The following SNTG1 variants were observed in gnomAD, a reference collection of about 807,000 sequenced individuals.
SNTG1 encodes the protein gamma-1-syntrophin.
A neutral mutation model predicts 74.7 loss-of-function variants in SNTG1; 39 were observed. That is an observed-to-expected ratio of 0.52 (90% CI 0.40 to 0.68). SNTG1 has a LOEUF of 0.68. Ranked by LOEUF, SNTG1 falls within the 30% of genes least tolerant of loss-of-function variation. The pLI is 0.00. For synonymous variants in SNTG1, 254 were observed against 217.1 expected (o/e 1.17, Z -1.49); for missense variants, 685 against 609.5 (o/e 1.12, Z -1.30).
At chr8:50,738,527 T>G (rs1279482259) in intron 17 of SNTG1, among the ~76,000 whole-genome samples, 1 of 152,022 alleles carries the variant, frequency 6.6e-6, no homozygotes, top group Non-Finnish European at 1.5e-5. Flanking sequence ...CCAGCTACCA[T>G]TGACTTTCTT....
intron 8 of SNTG1, among the ~76,000 whole-genome samples, chr8:50,465,004 A>G (rs912159958): frequency 6.6e-6 from 1 of 152,054 alleles, no homozygotes; most frequent in Non-Finnish European, 1.5e-5. Flanking sequence ...CTTGTTACAA[A>G]CCTTCAATAT....
Position 50,315,062 on chromosome 8 carries a change from G to A in SNTG1, c.-27-79150G>A, listed in dbSNP as rs761705945. Among the ~76,000 whole-genome samples the A allele has an allele frequency of 1.1e-4, 17 of 149,522 alleles. 1 individual carries two copies. The highest frequency in any genetic ancestry group is 3.4e-3 in the Middle Eastern group (1 of 294). On this transcript the variant is annotated intron_variant, in intron 2 of 18. Coordinates refer to ENST00000642720, the MANE Select transcript of SNTG1 (RefSeq NM_018967.5). ...CAAAAAATTAATTACTAAATATTGCGAATGGATTGCCTTATTTTAAAAAAT... is the reference window on the plus strand; with the variant it reads ...CAAAAAATTAATTACTAAATATTGCAAATGGATTGCCTTATTTTAAAAAAT...
intron 1 of SNTG1, among the ~76,000 whole-genome samples, chr8:50,081,388 T>G (rs1822393339): frequency 6.6e-6 from 1 of 152,116 alleles, no homozygotes; most frequent in Admixed American, 6.5e-5. Flanking sequence ...TATGTGTAGA[T>G]GTGTTATCTC....
intron 9 of SNTG1, among the ~76,000 whole-genome samples, chr8:50,526,903 T>C (rs867272566): frequency 2.0e-5 from 3 of 152,210 alleles, no homozygotes; most frequent in Middle Eastern, 3.4e-3. Context: ...ATTACAGGCA[T>C]GAGGCACCGC....
At chr8:50,760,680 A>C (rs1027472395) in intron 18 of SNTG1, among the ~76,000 whole-genome samples, 5 of 152,006 alleles carry the variant, frequency 3.3e-5, no homozygotes, top group Non-Finnish European at 5.9e-5. Flanking sequence ...AAAAAAAATG[A>C]TAAAAAGAAT....
At chr8:50,260,252 A>G (rs2087114637) in intron 2 of SNTG1, among the ~76,000 whole-genome samples, 1 of 152,104 alleles carries the variant, frequency 6.6e-6, no homozygotes, top group Non-Finnish European at 1.5e-5. Flanking sequence ...GAAGAACAAT[A>G]CTCAACTGCA....
At chr8:50,595,400 A>G (rs1243865807) in intron 13 of SNTG1, among the ~76,000 whole-genome samples, 2 of 152,154 alleles carry the variant, frequency 1.3e-5, no homozygotes, top group Admixed American at 1.3e-4. Context: ...TTTCCCAGGA[A>G]AAAGAGGTGT....
At chr8:50,636,108 C>A (rs1369898820) in intron 13 of SNTG1, among the ~76,000 whole-genome samples, 3 of 103,484 alleles carry the variant, frequency 2.9e-5, no homozygotes, top group East Asian at 3.8e-4. Flanking sequence ...ATGGGTTCCT[C>A]ATGACTCTGC....
rs1321432320 is a variant in SNTG1, at chr8:49,944,815, T to C, written c.-103+32584T>C. On this transcript the variant is annotated intron_variant, in intron 1 of 18. Coordinates refer to ENST00000642720, the MANE Select transcript of SNTG1 (RefSeq NM_018967.5). The stretch of plus-strand genomic sequence containing the variant: ...AGAAAAAAAAAAAAAAAAGATGGAG[T>C]TTCCCTCTGTTGCCCAGGCTGGAGT... 2.2e-4 allele frequency among the ~76,000 whole-genome samples: 32 copies of C among 147,600 alleles called. No homozygotes were observed. In the Middle Eastern group the frequency reaches 0.011, roughly 49 times the overall value.
chr8:50,559,326 G>A (rs1282462417), intron 12 of SNTG1, among the ~76,000 whole-genome samples: 2 of 152,172 alleles, frequency 1.3e-5, no homozygotes, highest in Non-Finnish European at 2.9e-5. Context: ...ATTTTGTTAT[G>A]TCAAAATGGA....
intron 1 of SNTG1, among the ~76,000 whole-genome samples, chr8:50,102,323 T>C (rs994842641): frequency 1.1e-4 from 17 of 152,026 alleles, no homozygotes; most frequent in African/African-American, 1.7e-4. Flanking sequence ...TGATGAGCAT[T>C]TTTTCATGTG....
intron 1 of SNTG1, among the ~76,000 whole-genome samples, chr8:49,931,718 A>G (rs1807611861): frequency 6.6e-6 from 1 of 152,230 alleles, no homozygotes; most frequent in Admixed American, 6.5e-5. Context: ...AAATGAGAGG[A>G]TGATGGCTAC....
Position 50,122,733 on chromosome 8 carries a change from A to G in SNTG1, c.-102-49828A>G, listed in dbSNP as rs183488143. On this transcript the variant is annotated intron_variant, in intron 1 of 18. Coordinates refer to ENST00000642720, the MANE Select transcript of SNTG1 (RefSeq NM_018967.5). ...GAGGATGCATTTAAAATAACTGATG[A>G]TGAGTTGAAGGAGGATAGGAGTAGC... Among the ~76,000 whole-genome samples, 174 of 141,444 alleles carry G rather than the reference A, an allele frequency of 1.2e-3. 31 individuals are homozygous for G. The highest frequency in any genetic ancestry group is 2.0e-3 in the Non-Finnish European group (125 of 63,626). 92.8% of individuals were successfully genotyped at this position (141,444 alleles called of 152,430 possible).
chr8:49,917,077 T>C (rs1235552480), intron 1 of SNTG1, among the ~76,000 whole-genome samples: 6 of 151,892 alleles, frequency 4.0e-5, no homozygotes, highest in Non-Finnish European at 7.4e-5. Context: ...GGGTGAGAAA[T>C]AAGTATGTGA....
At chr8:50,008,533 G>T (rs1315858078) in intron 1 of SNTG1, among the ~76,000 whole-genome samples, 1 of 152,132 alleles carries the variant, frequency 6.6e-6, no homozygotes, top group Non-Finnish European at 1.5e-5. Context: ...CACATGGATG[G>T]ATAGATGGAT....
At chr8:50,409,532 A>T (rs1286732664) in intron 4 of SNTG1, among the ~76,000 whole-genome samples, 1 of 152,204 alleles carries the variant, frequency 6.6e-6, no homozygotes, top group Non-Finnish European at 1.5e-5. Flanking sequence ...TGTTGATCAG[A>T]ATGATGCATG....
rs183682392 is a variant in SNTG1, at chr8:50,415,533, G to A, written c.162+13189G>A. Among the ~76,000 whole-genome samples, 286 of 152,126 alleles carry A rather than the reference G, an allele frequency of 1.9e-3. 1 individual carries two copies. Among genetic ancestry groups the A allele is most frequent in the Admixed American group, 5.0e-3 (76 of 15,260 alleles). On this transcript the variant is annotated intron_variant, in intron 4 of 18. Coordinates refer to ENST00000642720, the MANE Select transcript of SNTG1 (RefSeq NM_018967.5). ...TCTCATTTTTGTCAACAATATATTT[G>A]AAATATACTCTTCCCATGAAACAGT...
At chr8:50,436,257 ATAC>A (rs2093301603) in intron 4 of SNTG1, among the ~76,000 whole-genome samples, 2 of 152,190 alleles carry the variant, frequency 1.3e-5, no homozygotes, top group Non-Finnish European at 2.9e-5. Flanking sequence ...AGTTCCTGTC[ATAC>A]AAGAATTTTA....
chr8:50,604,199 A>G (rs1403015039), intron 13 of SNTG1, among the ~76,000 whole-genome samples: 1 of 152,140 alleles, frequency 6.6e-6, no homozygotes, highest in Non-Finnish European at 1.5e-5. Flanking sequence ...CAGGCAGATC[A>G]CTTTAGCTCA....
Sources: allele counts gnomAD v4.1 joint callset (sites outside exome capture counted in the v4.1 genomes callset), GRCh38; gene constraint gnomAD v4.1.1; transcripts MANE v1.5; gene names NCBI Gene and HGNC (gene_info 2026-07-23, HGNC 2026-07-21).